RPIA: variants seen among roughly 807,000 people sequenced by gnomAD.
RPIA encodes ribose 5-phosphate isomerase A, also known as ribose-5-phosphate isomerase.
In RPIA, 29 loss-of-function variants were observed where a neutral mutation model predicts 37.8. The observed-to-expected ratio is 0.77, with a 90% CI of 0.57 to 1.05. The LOEUF is 1.05. Ranked by LOEUF, RPIA falls within the 50% of genes least tolerant of loss-of-function variation. The pLI is 0.00. For synonymous variants in RPIA, 167 were observed against 157.0 expected (o/e 1.06, Z -0.48); for missense variants, 385 against 413.6 (o/e 0.93, Z 0.60).
In RPIA at chr2:88,737,963, A is replaced by G; in HGVS notation, c.739-14A>G. 6.2e-7 allele frequency: 1 copy of G among 1,603,718 alleles called. No individual in the cohort carries two copies. Among genetic ancestry groups the G allele is most frequent in the South Asian group, 1.1e-5 (1 of 90,884 alleles). ...TATCTGCATCCTTGGTCACTGTGGA[A>G]AATTATCTTCTAGGGTCCTGTGGTG... is the stretch of plus-strand genomic sequence containing the variant. On this transcript the variant is annotated splice_polypyrimidine_tract_variant and intron_variant, in intron 7 of 8. Transcript: ENST00000283646.
intron 3 of RPIA, among the ~76,000 whole-genome samples, chr2:88,715,627 G>T (rs1394091490): frequency 6.6e-6 from 1 of 152,178 alleles, no homozygotes; most frequent in African/African-American, 2.4e-5. Flanking sequence ...ACCCTGTGAG[G>T]TTGGCTTCAC....
chr2:88,702,158 TC>T (rs1298574364), intron 3 of RPIA, among the ~76,000 whole-genome samples: 1 of 152,208 alleles, frequency 6.6e-6, no homozygotes, highest in Non-Finnish European at 1.5e-5. Flanking sequence ...AGGGTTGAGT[TC>T]CAATTTTCCA....
intron 8 of RPIA, among the ~76,000 whole-genome samples, chr2:88,739,482 A>G (rs548263070): frequency 6.6e-6 from 1 of 152,348 alleles, no homozygotes; most frequent in East Asian, 1.9e-4. Context: ...TTGAATGAAT[A>G]AATCCCTTGA....
chr2:88,729,586 C>T (rs2104125815), intron 4 of RPIA, among the ~76,000 whole-genome samples: 1 of 152,288 alleles, frequency 6.6e-6, no homozygotes, highest in East Asian at 1.9e-4. Flanking sequence ...GGGAAGTGGG[C>T]AAGCCCAGGG....
intron 3 of RPIA, 60 bp downstream of exon 3, chr2:88,700,124 G>C: frequency 6.5e-7 from 1 of 1,549,074 alleles, no homozygotes; most frequent in Non-Finnish European, 8.9e-7. Context: ...GGTTCCCCGG[G>C]GTTGTGGACC....
At chr2:88,736,086 C>T (rs780363380) in intron 6 of RPIA, among the ~76,000 whole-genome samples, 40 of 152,198 alleles carry the variant, frequency 2.6e-4, no homozygotes, top group Admixed American at 5.9e-4. Context: ...AGGGTGTGCC[C>T]TGCCCACGGG....
In RPIA at chr2:88,699,124, C is replaced by G. The variant is rs1452141768; in HGVS notation, c.346+580C>G. Among the ~76,000 whole-genome samples the G allele has an allele frequency of 2.0e-5, 3 of 152,252 alleles. No homozygotes were observed. The East Asian group carries it at 5.8e-4, about 29-fold the overall frequency. ...AGGCCTGCCTGAATGCTGAATTCTT[C>G]TAGGTGCCAAGGGGCAGAGCCCAGG... is the stretch of plus-strand genomic sequence containing the variant. On this transcript the variant is annotated intron_variant, in intron 2 of 8. Coordinates refer to ENST00000283646, the MANE Select transcript of RPIA (RefSeq NM_144563.3).
At chr2:88,700,646 CCT>C (rs1672818732) in intron 3 of RPIA, among the ~76,000 whole-genome samples, 1 of 151,800 alleles carries the variant, frequency 6.6e-6, no homozygotes, top group Non-Finnish European at 1.5e-5. Context: ...AGAGTGAGAC[CCT>C]GTCTCAAGAA....
At chr2:88,699,084 C>G (rs997246976) in intron 2 of RPIA, among the ~76,000 whole-genome samples, 3 of 152,202 alleles carry the variant, frequency 2.0e-5, no homozygotes, top group Admixed American at 2.0e-4. Flanking sequence ...TTTGTAAGAA[C>G]AAAGCCCAGA....
At chr2:88,748,624 G>T (rs1438485562) in intron 8 of RPIA, among the ~76,000 whole-genome samples, 1 of 152,196 alleles carries the variant, frequency 6.6e-6, no homozygotes, top group African/African-American at 2.4e-5. Context: ...GTTGTGTGTA[G>T]TTGTTAATTT....
At chr2:88,698,384 T>C (rs1672785798) in intron 1 of RPIA, 100 bp from the exon 2 acceptor site, 8 of 1,005,558 alleles carry the variant, frequency 8.0e-6, no homozygotes, top group Non-Finnish European at 1.3e-5. Context: ...TGTTGGTGGA[T>C]TGCTGTTCAT....
intron 3 of RPIA, among the ~76,000 whole-genome samples, chr2:88,703,180 C>T (rs207462071): frequency 6.6e-6 from 1 of 152,168 alleles, no homozygotes; most frequent in Non-Finnish European, 1.5e-5. Flanking sequence ...TGAGTGTCTG[C>T]AGCTTTTCCA....
intron 3 of RPIA, among the ~76,000 whole-genome samples, chr2:88,710,165 G>C (rs1415201005): frequency 6.6e-6 from 1 of 152,156 alleles, no homozygotes; most frequent in African/African-American, 2.4e-5. Context: ...TCCTGCCTCA[G>C]CCTCCTGAGT....
rs780934186 is a variant in RPIA at position 88,691,815 on chromosome 2, C to T, written c.117C>T (p.Ser39=). The change falls in exon 1 of 9, where the codon TCC becomes TCT. Residue 39 remains serine (S), a synonymous_variant. Coordinates refer to ENST00000283646, the MANE Select transcript of RPIA (RefSeq NM_144563.3). The part of the protein sequence containing the change: ...GGGNSWDLPG[S]HVRLPGRAQS... Reference sequence around the variant, plus strand: ...GGAACAGCTGGGACCTCCCGGGTTCCCACGTGCGGCTGCCGGGGCGTGCAC... The same window carrying T: ...GGAACAGCTGGGACCTCCCGGGTTCTCACGTGCGGCTGCCGGGGCGTGCAC... 16 of 1,596,640 alleles carry T rather than the reference C, an allele frequency of 1.0e-5. No individual in the cohort carries two copies. The highest frequency in any genetic ancestry group is 1.8e-4 in the Middle Eastern group (1 of 5,598).
At chr2:88,740,055 G>C (rs775464096) in intron 8 of RPIA, among the ~76,000 whole-genome samples, 7 of 152,204 alleles carry the variant, frequency 4.6e-5, no homozygotes, top group Admixed American at 1.3e-4. Context: ...AAGAAGGTAG[G>C]AGGAAGAGAA....
Position 88,698,590 on chromosome 2 carries a change from G to A in RPIA, c.346+46G>A, listed in dbSNP as rs573783239. 1.0e-4 allele frequency: 160 copies of A among 1,554,526 alleles called. 4 individuals are homozygous for A. In the South Asian group the frequency reaches 1.7e-3, roughly 16 times the overall value. ...CTGGATGTTTTGTGTGTGATGATGG[G>A]GTAGGGAGGTAGAGGAGAGGGAGGA... On this transcript the variant is annotated intron_variant, in intron 2 of 8. Transcript: ENST00000283646.
chr2:88,693,677 T>G (rs544475830), intron 1 of RPIA, among the ~76,000 whole-genome samples: 1 of 152,368 alleles, frequency 6.6e-6, no homozygotes, highest in Admixed American at 6.5e-5. Flanking sequence ...TTTGTTCAAT[T>G]GTGTGCAGTG....
intron 3 of RPIA, 136 bp downstream of exon 3, chr2:88,700,200 G>T: frequency 1.2e-6 from 1 of 821,720 alleles, no homozygotes; most frequent in South Asian, 1.4e-5. Flanking sequence ...AGAGTTTATT[G>T]ACCAAGGATT....
At chr2:88,701,261 T>TG (rs1441489198) in intron 3 of RPIA, among the ~76,000 whole-genome samples, 1 of 151,846 alleles carries the variant, frequency 6.6e-6, no homozygotes, top group Non-Finnish European at 1.5e-5. Context: ...TTTTTTTTTT[T>TG]TTTTTTAAAT....
Sources: allele counts gnomAD v4.1 joint callset (sites outside exome capture counted in the v4.1 genomes callset), GRCh38; gene constraint gnomAD v4.1.1; transcripts MANE v1.5; gene names NCBI Gene and HGNC (gene_info 2026-07-23, HGNC 2026-07-21).